Variants in TTC29 observed in about 807,000 individuals in gnomAD.
TTC29 encodes the protein tetratricopeptide repeat protein 29.
In TTC29, 49 loss-of-function variants were observed where a neutral mutation model predicts 58.1. The ratio of observed to expected loss-of-function variants is 0.84; its 90% CI spans 0.67 to 1.07. The LOEUF (loss-of-function observed/expected upper bound fraction) is 1.07, where lower values mean the gene tolerates loss of function less well. Among genes scored for constraint, TTC29 ranks in the 50% least tolerant of loss-of-function variants. The pLI, the probability that TTC29 is intolerant of heterozygous loss-of-function variation, is 0.00. For missense variants in TTC29, 582 were observed against 555.6 expected (o/e 1.05, Z -0.48); for synonymous variants, 209 against 196.8 (o/e 1.06, Z -0.52).
At chr4:146,802,693 T>G (rs1750317968) in intron 11 of TTC29, among the ~76,000 whole-genome samples, 1 of 152,238 alleles carries the variant, frequency 6.6e-6, no homozygotes, top group Non-Finnish European at 1.5e-5. Flanking sequence ...TACAAAAGGT[T>G]TGCCTTATGA....
intron 11 of TTC29, among the ~76,000 whole-genome samples, chr4:146,719,189 G>GGT (rs60552473): frequency 0.32 from 46,676 of 143,898 alleles, 7,498 homozygotes; most frequent in East Asian, 0.47. Context: ...TGGCTATTGG[G>GGT]GTGTGTGTGT....
chr4:146,891,021 G>A (rs535120333), intron 6 of TTC29, among the ~76,000 whole-genome samples: 5 of 151,970 alleles, frequency 3.3e-5, no homozygotes, highest in Non-Finnish European at 5.9e-5. Context: ...AGAGGGATAC[G>A]GAAGGGAAAG....
chr4:146,888,710 A>G (rs953994350), intron 6 of TTC29, among the ~76,000 whole-genome samples: 13 of 152,182 alleles, frequency 8.5e-5, no homozygotes, highest in African/African-American at 2.7e-4. Flanking sequence ...TGCTTTTCAT[A>G]AAGTGACATT....
intron 4 of TTC29, among the ~76,000 whole-genome samples, chr4:146,923,352 G>T (rs1734720924): frequency 6.6e-6 from 1 of 151,260 alleles, no homozygotes; most frequent in Admixed American, 6.6e-5. Context: ...AACACACAGA[G>T]AAGTCAATAA....
chr4:146,716,521 T>C (rs1742939821), intron 11 of TTC29, among the ~76,000 whole-genome samples: 1 of 152,132 alleles, frequency 6.6e-6, no homozygotes, highest in African/African-American at 2.4e-5. Context: ...TGTGAAACCA[T>C]TCAAAATCTA....
At chr4:146,908,548 T>C (rs550205600) in intron 5 of TTC29, among the ~76,000 whole-genome samples, 1 of 152,350 alleles carries the variant, frequency 6.6e-6, no homozygotes, top group Non-Finnish European at 1.5e-5. Flanking sequence ...CATGTCTTTT[T>C]ACTATTTACA....
intron 11 of TTC29, among the ~76,000 whole-genome samples, chr4:146,753,408 G>A (rs973089125): frequency 1.3e-5 from 2 of 152,214 alleles, no homozygotes; most frequent in Non-Finnish European, 2.9e-5. Flanking sequence ...AACAACAGGT[G>A]CTGGAGAAGA....
At chr4:146,790,373 G>A (rs1749352022) in intron 11 of TTC29, among the ~76,000 whole-genome samples, 1 of 151,874 alleles carries the variant, frequency 6.6e-6, no homozygotes, top group Admixed American at 6.6e-5. Context: ...ATTTTTAGTA[G>A]AGACAGGGTT....
chr4:146,798,326 T>C (rs1364266308), intron 11 of TTC29, among the ~76,000 whole-genome samples: 2 of 152,038 alleles, frequency 1.3e-5, no homozygotes, highest in African/African-American at 4.8e-5. Context: ...CAGGATTGGA[T>C]ACAGGAGGAT....
chr4:146,852,218 T>C (rs1729561955), intron 8 of TTC29, among the ~76,000 whole-genome samples: 1 of 152,186 alleles, frequency 6.6e-6, no homozygotes, highest in Non-Finnish European at 1.5e-5. Flanking sequence ...TGTTATTCAA[T>C]AATAATTTCC....
chr4:146,725,304 C>T lies in TTC29; in HGVS notation c.1331-17753G>A, dbSNP rs577429011. Among the ~76,000 whole-genome samples, 4 of 152,082 alleles carry T rather than the reference C, an allele frequency of 2.6e-5. No homozygotes were observed. The East Asian group carries it at 5.8e-4, about 22-fold the overall frequency. On this transcript the variant is annotated intron_variant, in intron 11 of 12. Coordinates refer to ENST00000325106, the MANE Select transcript of TTC29 (RefSeq NM_031956.4). ...ATCCCAGCACTTTGGGAGGCTGAGG[C>T]GGGAGGATTGCCTGGGCTCAAGAAT...
intron 4 of TTC29, among the ~76,000 whole-genome samples, chr4:146,929,032 C>A (rs1239088805): frequency 6.6e-6 from 1 of 152,024 alleles, no homozygotes; most frequent in Non-Finnish European, 1.5e-5. Flanking sequence ...TCTTATTGAT[C>A]ATCTAAGAGT....
At chr4:146,908,718 T>C (rs989891870) in intron 5 of TTC29, among the ~76,000 whole-genome samples, 5 of 152,160 alleles carry the variant, frequency 3.3e-5, no homozygotes, top group Non-Finnish European at 7.3e-5. Context: ...ACAGAAAAAC[T>C]GTAGAAAGGT....
intron 9 of TTC29, among the ~76,000 whole-genome samples, chr4:146,826,533 C>A (rs1022675315): frequency 1.3e-5 from 2 of 152,140 alleles, no homozygotes; most frequent in East Asian, 3.9e-4. Flanking sequence ...TTTCTGGCCA[C>A]CCTTAACAGT....
intron 6 of TTC29, among the ~76,000 whole-genome samples, chr4:146,893,954 G>C (rs1353615637): frequency 6.6e-6 from 1 of 152,200 alleles, no homozygotes; most frequent in Non-Finnish European, 1.5e-5. Flanking sequence ...GGCCATCAGA[G>C]AAATGCAAAT....
chr4:146,778,937 T>C (rs1373469486), intron 11 of TTC29, among the ~76,000 whole-genome samples: 3 of 119,900 alleles, frequency 2.5e-5, no homozygotes, highest in African/African-American at 1.0e-4. Flanking sequence ...CTACCCAATA[T>C]ATCCATGTAA....
chr4:146,847,968 G>A (rs1729281521), intron 8 of TTC29, among the ~76,000 whole-genome samples: 1 of 152,208 alleles, frequency 6.6e-6, no homozygotes, highest in African/African-American at 2.4e-5. Flanking sequence ...GCGTTTAACA[G>A]TGTGGACTGT....
intron 8 of TTC29, among the ~76,000 whole-genome samples, chr4:146,847,280 G>A (rs1729234484): frequency 6.6e-6 from 1 of 152,106 alleles, no homozygotes. Context: ...TACTTCTGAT[G>A]GGGTTCTGCT....
chr4:146,909,241 T>G lies in TTC29; in HGVS notation c.185A>C (p.Asn62Thr). 6.2e-7 allele frequency: 1 copy of G among 1,609,082 alleles called. No homozygotes were observed. The highest frequency in any genetic ancestry group is 8.5e-7 in the Non-Finnish European group (1 of 1,177,068). ...LSKEEVAAYR[N>T]SYKKNICVDM... is the part of the protein sequence containing the mutation. ...CACACAGATATTCTTCTTGTAGGAG[T>G]TCCTATAACTGGAAATATGAATCAG... Residue 62 changes from asparagine (N) to threonine (T), a missense_variant, in exon 5 of 13, where the codon AAC (asparagine) becomes ACC (threonine). By Grantham distance (65) the Asn-to-Thr change is moderately conservative (BLOSUM62 0). Transcript: ENST00000325106.
Sources: allele counts gnomAD v4.1 joint callset (sites outside exome capture counted in the v4.1 genomes callset), GRCh38; gene constraint gnomAD v4.1.1; transcripts MANE v1.5; gene names NCBI Gene and HGNC (gene_info 2026-07-23, HGNC 2026-07-21).